KCTD16: variants seen among roughly 807,000 people sequenced by gnomAD.
The protein encoded by KCTD16 is BTB/POZ domain-containing protein KCTD16.
In KCTD16, 13 loss-of-function variants were observed where a neutral mutation model predicts 33.2. The observed-to-expected ratio is 0.39, with a 90% CI of 0.25 to 0.62. KCTD16 has a LOEUF of 0.62. Among genes scored for constraint, KCTD16 ranks in the 20% least tolerant of loss-of-function variants. The probability of loss-of-function intolerance (pLI) is 0.50; values close to 1 mark genes in which losing one functional copy is unlikely to be tolerated. For synonymous variants in KCTD16, 197 were observed against 195.3 expected, an observed-to-expected ratio of 1.01 and a Z score of -0.07; for missense variants, 441 against 525.1, an observed-to-expected ratio of 0.84 and a Z score of 1.57.
At chr5:144,376,390 C>A (rs1752094172) in intron 3 of KCTD16, among the ~76,000 whole-genome samples, 1 of 151,728 alleles carries the variant, frequency 6.6e-6, no homozygotes, top group African/African-American at 2.4e-5. Flanking sequence ...CTAATAATTC[C>A]TTTGTAGAGA....
At chr5:144,468,602 G>A (rs1190824842) in intron 3 of KCTD16, among the ~76,000 whole-genome samples, 1 of 152,132 alleles carries the variant, frequency 6.6e-6, no homozygotes, top group Non-Finnish European at 1.5e-5. Context: ...CGTTTTCAAG[G>A]TTAGCAGAAT....
intron 2 of KCTD16, among the ~76,000 whole-genome samples, chr5:144,174,787 C>G (rs1177203593): frequency 2.6e-5 from 4 of 152,182 alleles, no homozygotes; most frequent in African/African-American, 9.7e-5. Context: ...TTCAGTATTG[C>G]AAGTGCTGCA....
chr5:144,408,074 G>A (rs1752851621), intron 3 of KCTD16, among the ~76,000 whole-genome samples: 1 of 152,136 alleles, frequency 6.6e-6, no homozygotes, highest in Non-Finnish European at 1.5e-5. Flanking sequence ...TGGGATTGCT[G>A]GGCCAAATGG....
chr5:144,464,140 G>A (rs1754264340), intron 3 of KCTD16, among the ~76,000 whole-genome samples: 2 of 152,110 alleles, frequency 1.3e-5, no homozygotes, highest in South Asian at 2.1e-4. Context: ...GGAAGTTATT[G>A]TGAATATAAT....
chr5:144,387,636 A>G (rs1171191256), intron 3 of KCTD16, among the ~76,000 whole-genome samples: 1 of 152,224 alleles, frequency 6.6e-6, no homozygotes, highest in Non-Finnish European at 1.5e-5. Context: ...CAGGCTAGGC[A>G]GGGAGGTCTC....
At chr5:144,220,826 A>G (rs1384747287) in intron 3 of KCTD16, among the ~76,000 whole-genome samples, 1 of 152,126 alleles carries the variant, frequency 6.6e-6, no homozygotes. Context: ...CTGTAGTCCC[A>G]GCTACCTGGG....
chr5:144,395,081 A>G (rs1011906595), intron 3 of KCTD16, among the ~76,000 whole-genome samples: 2 of 152,208 alleles, frequency 1.3e-5, no homozygotes, highest in African/African-American at 4.8e-5. Context: ...GTCCAACTGA[A>G]TCAGAAACTC....
intron 3 of KCTD16, among the ~76,000 whole-genome samples, chr5:144,405,492 C>G (rs1371064514): frequency 6.6e-6 from 1 of 152,160 alleles, no homozygotes; most frequent in African/African-American, 2.4e-5. Context: ...GAGATGGAGA[C>G]CTGCCAGTAA....
At chr5:144,180,803 A>T (rs1262960628) in intron 2 of KCTD16, among the ~76,000 whole-genome samples, 1 of 152,216 alleles carries the variant, frequency 6.6e-6, no homozygotes, top group Non-Finnish European at 1.5e-5. Flanking sequence ...AGAGAAAAAA[A>T]GCTGTATTAC....
At chr5:144,390,569 G>T (rs1435767759) in intron 3 of KCTD16, among the ~76,000 whole-genome samples, 2 of 151,762 alleles carry the variant, frequency 1.3e-5, no homozygotes, top group Non-Finnish European at 2.9e-5. Flanking sequence ...GGATACATGT[G>T]CAGAACATGC....
At chr5:144,273,776 G>T (rs1755367173) in intron 3 of KCTD16, among the ~76,000 whole-genome samples, 1 of 150,632 alleles carries the variant, frequency 6.6e-6, no homozygotes, top group African/African-American at 2.4e-5. Context: ...GGGCTGGGGG[G>T]AGGGGGAAAT....
At chr5:144,265,157 C>G (rs1755109506) in intron 3 of KCTD16, among the ~76,000 whole-genome samples, 1 of 152,152 alleles carries the variant, frequency 6.6e-6, no homozygotes, top group South Asian at 2.1e-4. Flanking sequence ...AGAAAATTAT[C>G]TACTTATGAG....
At chr5:144,324,903 A>G (rs914029088) in intron 3 of KCTD16, among the ~76,000 whole-genome samples, 1 of 152,186 alleles carries the variant, frequency 6.6e-6, no homozygotes, top group Non-Finnish European at 1.5e-5. Context: ...AGGGAAGGGA[A>G]CAACACACAC....
chr5:144,256,118 G>C (rs1225066280), intron 3 of KCTD16, among the ~76,000 whole-genome samples: 1 of 152,096 alleles, frequency 6.6e-6, no homozygotes, highest in East Asian at 1.9e-4. Flanking sequence ...ACTGTTTTCT[G>C]GGTTTGAATA....
At position 144,485,301 on chromosome 5, in the gene KCTD16, T is replaced by A. The variant is rs886642100; in HGVS notation, c.*11187T>A. On this transcript the variant is annotated 3_prime_UTR_variant, in exon 4 of 4. Transcript: ENST00000512467. Reference sequence around the variant, plus strand: ...GGAACAGCCCTGAGCAACATATAAATATATACATACATATCTATGTATGCA... The same window carrying A: ...GGAACAGCCCTGAGCAACATATAAAAATATACATACATATCTATGTATGCA... 14 of 151,892 alleles carry A rather than the reference T, an allele frequency of 9.2e-5. No individual in the cohort carries two copies. Among genetic ancestry groups the A allele is most frequent in the Non-Finnish European group, 1.5e-4 (10 of 67,894 alleles). 9.4% of individuals were successfully genotyped at this position (151,892 alleles called of 1,614,324 possible).
intron 3 of KCTD16, among the ~76,000 whole-genome samples, chr5:144,415,548 A>C (rs906010570): frequency 2.0e-5 from 3 of 152,128 alleles, no homozygotes; most frequent in Admixed American, 6.6e-5. Context: ...AATCTCTATC[A>C]CTTGCAACAT....
intron 3 of KCTD16, among the ~76,000 whole-genome samples, chr5:144,395,472 G>T (rs775799648): frequency 9.9e-5 from 15 of 152,134 alleles, no homozygotes; most frequent in Non-Finnish European, 2.1e-4. Context: ...AGTTCTTATG[G>T]ATATATTAAG....
At chr5:144,259,257 CAAAAA>C (rs1166248798) in intron 3 of KCTD16, among the ~76,000 whole-genome samples, 1 of 48,386 alleles carries the variant, frequency 2.1e-5, no homozygotes, top group Admixed American at 2.4e-4. Context: ...GACTCCATCT[CAAAAA>C]AAAAAAAAAA....
intron 3 of KCTD16, among the ~76,000 whole-genome samples, chr5:144,351,883 G>C (rs1185210218): frequency 6.6e-6 from 1 of 152,120 alleles, no homozygotes; most frequent in South Asian, 2.1e-4. Context: ...AGGCTGTGGG[G>C]TGGGGAACTG....
Sources: allele counts gnomAD v4.1 joint callset (sites outside exome capture counted in the v4.1 genomes callset), GRCh38; gene constraint gnomAD v4.1.1; transcripts MANE v1.5; gene names NCBI Gene and HGNC (gene_info 2026-07-23, HGNC 2026-07-21).